Variants in HACD2 observed in about 807,000 individuals in gnomAD.
HACD2 encodes the protein very-long-chain (3R)-3-hydroxyacyl-CoA dehydratase 2.
Under a neutral mutation model 31.0 loss-of-function variants are expected in HACD2, and 15 were observed. That is an observed-to-expected ratio of 0.48 (90% CI 0.32 to 0.75). The LOEUF (loss-of-function observed/expected upper bound fraction) is 0.75, where lower values mean the gene tolerates loss of function less well. HACD2 is among the 30% of genes least tolerant of loss of function. The probability of loss-of-function intolerance (pLI) is 0.03; values close to 1 mark genes in which losing one functional copy is unlikely to be tolerated. For missense variants in HACD2, 283 were observed against 313.0 expected, an observed-to-expected ratio of 0.90 and a Z score of 0.72; for synonymous variants, 115 against 122.2, an observed-to-expected ratio of 0.94 and a Z score of 0.39.
chr3:123,574,847 C>G (rs1354276010), intron 2 of HACD2, among the ~76,000 whole-genome samples: 1 of 152,038 alleles, frequency 6.6e-6, no homozygotes, highest in Non-Finnish European at 1.5e-5. Flanking sequence ...GCTTTTATTC[C>G]CTATTGATTT....
chr3:123,509,499 C>CTTT (rs775984895), intron 4 of HACD2, among the ~76,000 whole-genome samples: 1 of 32,822 alleles, frequency 3.0e-5, no homozygotes. Context: ...CTTCCTGTGA[C>CTTT]TTCTTTTTTT....
chr3:123,514,657 A>C (rs1404926984), intron 4 of HACD2, among the ~76,000 whole-genome samples: 1 of 152,204 alleles, frequency 6.6e-6, no homozygotes, highest in Non-Finnish European at 1.5e-5. Flanking sequence ...ACTGGCCCCA[A>C]TCTACCTCCC....
chr3:123,537,174 AAG>A (rs1262266596), intron 3 of HACD2, among the ~76,000 whole-genome samples: 2 of 152,260 alleles, frequency 1.3e-5, no homozygotes, highest in African/African-American at 4.8e-5. Context: ...TAACAGAATT[AAG>A]AATATTGTCT....
chr3:123,522,071 C>T (rs74602390), intron 4 of HACD2, among the ~76,000 whole-genome samples: 3 of 151,752 alleles, frequency 2.0e-5, no homozygotes, highest in Non-Finnish European at 4.4e-5. Context: ...TCTGGGAGGC[C>T]GAGGCAGGAG....
At chr3:123,571,164 G>T (rs1285166798) in intron 2 of HACD2, among the ~76,000 whole-genome samples, 1 of 152,134 alleles carries the variant, frequency 6.6e-6, no homozygotes, top group Admixed American at 6.5e-5. Flanking sequence ...TGTGCAGAGA[G>T]AATAAATTAC....
At chr3:123,524,985 T>G (rs901972139) in intron 4 of HACD2, among the ~76,000 whole-genome samples, 2 of 152,222 alleles carry the variant, frequency 1.3e-5, no homozygotes, top group African/African-American at 4.8e-5. Context: ...CATAACGTAC[T>G]TTAATAAAGC....
intron 2 of HACD2, among the ~76,000 whole-genome samples, chr3:123,569,753 C>G (rs954762124): frequency 6.6e-6 from 1 of 151,754 alleles, no homozygotes; most frequent in Admixed American, 6.6e-5. Flanking sequence ...TTTGGGAGGC[C>G]GAGGCAGGCG....
At chr3:123,497,117 A>G (rs2107676907) in intron 6 of HACD2, among the ~76,000 whole-genome samples, 1 of 152,360 alleles carries the variant, frequency 6.6e-6, no homozygotes, top group East Asian at 1.9e-4. Context: ...CTGGCTGACC[A>G]GAACTATGAT....
In HACD2 at chr3:123,567,562, TAA is replaced by T. The variant is rs377284704; in HGVS notation, c.292+198_292+199del. Among the ~76,000 whole-genome samples, 637 of 152,330 alleles carry T rather than the reference TAA, an allele frequency of 4.2e-3. 3 individuals are homozygous for T. Among genetic ancestry groups the T allele is most frequent in the African/African-American group, 0.015 (604 of 41,568 alleles). ...AGAACAAAATAGCTGTGAACTTTAA[TAA>T]AGTGTTCAGTCATGACATCTAAATA... On this transcript the variant is annotated intron_variant, in intron 3 of 6. Transcript: ENST00000383657.
At chr3:123,575,271 T>C (rs538716555) in intron 2 of HACD2, among the ~76,000 whole-genome samples, 2 of 152,258 alleles carry the variant, frequency 1.3e-5, no homozygotes, top group Non-Finnish European at 2.9e-5. Context: ...TGTATCCGGC[T>C]AATTTTTTAA....
chr3:123,546,928 A>G lies in HACD2; in HGVS notation c.293-18454T>C, dbSNP rs77931223. ...TTGGTGTAATAATTTTTTTCTGGTA[A>G]ACAATCTTCTGAATCATCTATAAAA... On this transcript the variant is annotated intron_variant, in intron 3 of 6. Coordinates refer to ENST00000383657, the MANE Select transcript of HACD2 (RefSeq NM_198402.5). Among the ~76,000 whole-genome samples, 36 of 152,296 alleles carry G rather than the reference A, an allele frequency of 2.4e-4. No individual in the cohort carries two copies. In the East Asian group the frequency reaches 5.0e-3, roughly 21 times the overall value.
chr3:123,530,307 T>A (rs1324312057), intron 3 of HACD2, among the ~76,000 whole-genome samples: 1 of 151,850 alleles, frequency 6.6e-6, no homozygotes, highest in Non-Finnish European at 1.5e-5. Context: ...CTGGAGTACA[T>A]GACGCCATCA....
At chr3:123,565,834 A>G (rs182526962) in intron 3 of HACD2, among the ~76,000 whole-genome samples, 131 of 152,324 alleles carry the variant, frequency 8.6e-4, no homozygotes, top group Non-Finnish European at 1.5e-3. Flanking sequence ...CGTTTATGAA[A>G]GGATAAAATT....
intron 6 of HACD2, among the ~76,000 whole-genome samples, chr3:123,496,459 G>A (rs1453418460): frequency 2.0e-5 from 3 of 152,126 alleles, no homozygotes; most frequent in Admixed American, 6.6e-5. Context: ...CCCAAAGTAC[G>A]CCGGGACACC....
intron 2 of HACD2, among the ~76,000 whole-genome samples, chr3:123,568,211 C>T (rs1458931364): frequency 6.6e-6 from 1 of 152,236 alleles, no homozygotes; most frequent in Non-Finnish European, 1.5e-5. Flanking sequence ...CCCTTCAATG[C>T]AGACATTCAT....
intron 3 of HACD2, among the ~76,000 whole-genome samples, chr3:123,557,738 C>T (rs2056687568): frequency 6.6e-6 from 1 of 152,208 alleles, no homozygotes; most frequent in African/African-American, 2.4e-5. Flanking sequence ...TACACCACTA[C>T]ACACCTATTA....
chr3:123,542,072 G>A (rs1209977875), intron 3 of HACD2, among the ~76,000 whole-genome samples: 9 of 145,752 alleles, frequency 6.2e-5, no homozygotes, highest in Admixed American at 2.7e-4. Flanking sequence ...GCGTGAACCC[G>A]GGAGGCGGAG....
chr3:123,494,129 C>T lies in HACD2; in HGVS notation c.*759G>A, dbSNP rs933391828. 3.9e-5 allele frequency: 6 copies of T among 152,186 alleles called. No individual in the cohort carries two copies. The highest frequency in any genetic ancestry group is 1.4e-4 in the African/African-American group (6 of 41,422). 9.4% of individuals were successfully genotyped at this position (152,186 alleles called of 1,614,324 possible). A position where few individuals can be genotyped will look rare whatever the true frequency, so the allele number is the denominator to read the frequency against. ...TTGTCACTTTTGAGCTATTGAGCTC[C>T]CCCTTTCTGAGACCTGTCATTTTGT... On this transcript the variant is annotated 3_prime_UTR_variant, in exon 7 of 7. Transcript: ENST00000383657.
chr3:123,565,931 C>G (rs1191585278), intron 3 of HACD2, among the ~76,000 whole-genome samples: 1 of 152,184 alleles, frequency 6.6e-6, no homozygotes, highest in Non-Finnish European at 1.5e-5. Context: ...AAAATGAAAT[C>G]AGGCAGGTGT....
Sources: allele counts gnomAD v4.1 joint callset (sites outside exome capture counted in the v4.1 genomes callset), GRCh38; gene constraint gnomAD v4.1.1; transcripts MANE v1.5; gene names NCBI Gene and HGNC (gene_info 2026-07-23, HGNC 2026-07-21).